The following SNTG1 variants were observed in gnomAD, a reference collection of about 807,000 sequenced individuals.
SNTG1 encodes gamma-1-syntrophin.
Under a neutral mutation model 74.7 loss-of-function variants are expected in SNTG1, and 39 were observed. The ratio of observed to expected loss-of-function variants is 0.52; its 90% CI spans 0.40 to 0.68. The LOEUF (loss-of-function observed/expected upper bound fraction) is 0.68. Ranked by LOEUF, SNTG1 falls within the 30% of genes least tolerant of loss-of-function variation. SNTG1 has a pLI of 0.00. For synonymous variants in SNTG1, 254 were observed against 217.1 expected (o/e 1.17, Z -1.49); for missense variants, 685 against 609.5 (o/e 1.12, Z -1.30).
intron 11 of SNTG1, among the ~76,000 whole-genome samples, chr8:50,550,160 C>T (rs2094415829): frequency 6.6e-6 from 1 of 152,158 alleles, no homozygotes; most frequent in Non-Finnish European, 1.5e-5. Context: ...AATAGGACCA[C>T]CCAAGCCACA....
At chr8:50,453,229 C>CA (rs2093472436) in intron 8 of SNTG1, among the ~76,000 whole-genome samples, 2 of 152,142 alleles carry the variant, frequency 1.3e-5, no homozygotes, top group East Asian at 1.9e-4. Flanking sequence ...AGGTAGTGGA[C>CA]AGTACCTGGT....
At chr8:50,201,920 A>G (rs1382545104) in intron 2 of SNTG1, among the ~76,000 whole-genome samples, 2 of 152,130 alleles carry the variant, frequency 1.3e-5, no homozygotes, top group Admixed American at 1.3e-4. Context: ...ACCATCAAAC[A>G]GCCATTTACT....
At position 50,193,388 on chromosome 8, in the gene SNTG1, G is replaced by GT. The variant is rs528777126; in HGVS notation, c.-28+20760dup. Among the ~76,000 whole-genome samples the GT allele has an allele frequency of 1.3e-3, 193 of 151,752 alleles. 7 individuals carry two copies. In the South Asian group the frequency reaches 0.033, roughly 26 times the overall value. ...GGCTCCTTAGGTATATTCCCAAGTT[G>GT]TTTTTTTGTTTTCTTATTTGTTTGT... On this transcript the variant is annotated intron_variant, in intron 2 of 18. Transcript: ENST00000642720.
At position 50,729,876 on chromosome 8, in the gene SNTG1, G is replaced by A. The variant is rs554586570; in HGVS notation, c.1284+20898G>A. Among the ~76,000 whole-genome samples the A allele has an allele frequency of 2.1e-4, 32 of 152,200 alleles. No individual in the cohort carries two copies. In the Middle Eastern group the frequency reaches 0.014, roughly 65 times the overall value. ...GACATTTATATTTCTATATCACCTA[G>A]GACTTCAACTGTGACCAAGGAATTC... On this transcript the variant is annotated intron_variant, in intron 17 of 18. Transcript: ENST00000642720.
chr8:50,200,050 T>C (rs1220156857), intron 2 of SNTG1, among the ~76,000 whole-genome samples: 1 of 152,184 alleles, frequency 6.6e-6, no homozygotes, highest in African/African-American at 2.4e-5. Flanking sequence ...TACCTTCATG[T>C]GCCTACCTGG....
At chr8:50,331,806 C>A (rs1376147160) in intron 2 of SNTG1, among the ~76,000 whole-genome samples, 1 of 152,138 alleles carries the variant, frequency 6.6e-6, no homozygotes, top group Non-Finnish European at 1.5e-5. Flanking sequence ...TTCTCAATTT[C>A]TTTACGTCAG....
intron 1 of SNTG1, among the ~76,000 whole-genome samples, chr8:50,031,809 T>C (rs947816129): frequency 6.6e-6 from 1 of 152,096 alleles, no homozygotes; most frequent in Non-Finnish European, 1.5e-5. Flanking sequence ...TCGGTTTTGG[T>C]ACAAGAGTAA....
intron 2 of SNTG1, among the ~76,000 whole-genome samples, chr8:50,302,002 G>T (rs2089672230): frequency 6.6e-6 from 1 of 151,986 alleles, no homozygotes; most frequent in Non-Finnish European, 1.5e-5. Context: ...GATTACAAAT[G>T]CCTGCCACCA....
At chr8:50,296,107 G>A (rs892549162) in intron 2 of SNTG1, among the ~76,000 whole-genome samples, 3 of 152,074 alleles carry the variant, frequency 2.0e-5, no homozygotes, top group African/African-American at 7.2e-5. Flanking sequence ...GAGAGATGGA[G>A]AACACCATGT....
intron 1 of SNTG1, among the ~76,000 whole-genome samples, chr8:50,157,032 G>A (rs1172907143): frequency 6.6e-6 from 1 of 152,044 alleles, no homozygotes; most frequent in South Asian, 2.1e-4. Flanking sequence ...CAAATGAATA[G>A]ATAAGCAAAT....
intron 2 of SNTG1, among the ~76,000 whole-genome samples, chr8:50,243,172 A>T (rs1415760237): frequency 3.9e-5 from 1 of 25,488 alleles, no homozygotes; most frequent in African/African-American, 4.8e-5. Flanking sequence ...ATGAGTCCTG[A>T]ATTATCTTAT....
intron 1 of SNTG1, among the ~76,000 whole-genome samples, chr8:50,167,808 ATCTC>A (rs2082677683): frequency 6.9e-6 from 1 of 145,330 alleles, no homozygotes. Context: ...GCAAGATTCT[ATCTC>A]AAAAAAAAAA....
chr8:50,322,982 G>T (rs1370402561), intron 2 of SNTG1, among the ~76,000 whole-genome samples: 1 of 151,648 alleles, frequency 6.6e-6, no homozygotes, highest in East Asian at 2.0e-4. Flanking sequence ...CAGGGGTGGT[G>T]GCACATGCCT....
chr8:50,299,680 C>T (rs1196669304), intron 2 of SNTG1, among the ~76,000 whole-genome samples: 2 of 151,946 alleles, frequency 1.3e-5, no homozygotes, highest in Non-Finnish European at 2.9e-5. Context: ...TCAATATGAA[C>T]ATTATTAGAG....
intron 1 of SNTG1, among the ~76,000 whole-genome samples, chr8:50,045,909 G>C (rs1292149925): frequency 6.6e-6 from 1 of 152,154 alleles, no homozygotes; most frequent in Non-Finnish European, 1.5e-5. Context: ...GAACTTCCTA[G>C]CTGTGTGAAG....
intron 16 of SNTG1, among the ~76,000 whole-genome samples, chr8:50,706,433 A>G (rs925594290): frequency 2.6e-5 from 4 of 152,144 alleles, no homozygotes; most frequent in Non-Finnish European, 2.9e-5. Flanking sequence ...TTTCTCTACA[A>G]TAGTCCACTT....
At chr8:50,586,991 G>T (rs963631336) in intron 12 of SNTG1, among the ~76,000 whole-genome samples, 6 of 151,898 alleles carry the variant, frequency 4.0e-5, no homozygotes, top group Non-Finnish European at 4.4e-5. Context: ...TTTGAATTTT[G>T]TATTTATAAC....
intron 15 of SNTG1, among the ~76,000 whole-genome samples, chr8:50,663,722 C>A (rs920987197): frequency 1.3e-5 from 2 of 152,176 alleles, no homozygotes; most frequent in Admixed American, 1.3e-4. Flanking sequence ...TTAGCCTATT[C>A]TCTTGTCTAA....
chr8:50,684,740 C>CTTT (rs71235319), intron 15 of SNTG1, among the ~76,000 whole-genome samples: 4 of 135,122 alleles, frequency 3.0e-5, no homozygotes, highest in African/African-American at 8.3e-5. Flanking sequence ...TTTTTTTTTT[C>CTTT]TTTTTTTTTA....
Sources: allele counts gnomAD v4.1 joint callset (sites outside exome capture counted in the v4.1 genomes callset), GRCh38; gene constraint gnomAD v4.1.1; transcripts MANE v1.5; gene names NCBI Gene and HGNC (gene_info 2026-07-23, HGNC 2026-07-21).